TTBK1: variants seen among roughly 807,000 people sequenced by gnomAD.
The protein encoded by TTBK1 is tau tubulin kinase 1.
In TTBK1, 34 loss-of-function variants were observed where a neutral mutation model predicts 108.5. That is an observed-to-expected ratio of 0.31 (90% CI 0.24 to 0.42). TTBK1 has a LOEUF of 0.42. Among genes scored for constraint, TTBK1 ranks in the 10% least tolerant of loss-of-function variants. The probability of loss-of-function intolerance (pLI) is 1.00; values close to 1 mark genes in which losing one functional copy is unlikely to be tolerated. For missense variants in TTBK1, 1,539 were observed against 1,826.0 expected, an observed-to-expected ratio of 0.84 and a Z score of 2.86; for synonymous variants, 809 against 795.1, an observed-to-expected ratio of 1.02 and a Z score of -0.29.
chr6:43,273,440 C>A lies in TTBK1; in HGVS notation c.1987-9287C>A, dbSNP rs866435308. On this transcript the variant is annotated intron_variant, in intron 13 of 14. Transcript: ENST00000259750. This position sits in a 1 kb window ranked among gnomAD's most constrained non-coding sequence, Gnocchi z 4.2. ...CTCCAGAGACCTCCAACCCCTCAAT[C>A]CCACATGGCCCCAAGCATCCCACAG... 6.6e-6 allele frequency among the ~76,000 whole-genome samples: 1 copy of A among 152,294 alleles called. No individual in the cohort carries two copies. Among genetic ancestry groups the A allele is most frequent in the East Asian group, 1.9e-4 (1 of 5,180 alleles).
intron 13 of TTBK1, among the ~76,000 whole-genome samples, chr6:43,277,124 G>A (rs1345209600): frequency 9.2e-5 from 14 of 152,212 alleles, no homozygotes; most frequent in Non-Finnish European, 2.9e-5. Flanking sequence ...CCAGAGGCCT[G>A]TGAGAGGACA....
At position 43,265,549 on chromosome 6, in the gene TTBK1, T is replaced by C. The variant is rs546957362; in HGVS notation, c.1986+2199T>C. 3.3e-5 allele frequency among the ~76,000 whole-genome samples: 5 copies of C among 152,338 alleles called. No homozygotes were observed. In the East Asian group the frequency reaches 9.7e-4, roughly 29 times the overall value. On this transcript the variant is annotated intron_variant, in intron 13 of 14. Coordinates refer to ENST00000259750, the MANE Select transcript of TTBK1 (RefSeq NM_032538.3). This position sits in a 1 kb window ranked among gnomAD's most constrained non-coding sequence, Gnocchi z 4.1. ...GTCAAGTGGGCTGGCACCATTGCGT[T>C]GTAACTAGCCATTGCTCCCACCACA... is the stretch of plus-strand genomic sequence containing the variant.
chr6:43,273,727 C>T lies in TTBK1; in HGVS notation c.1987-9000C>T, dbSNP rs1322981718. 6.6e-6 allele frequency among the ~76,000 whole-genome samples: 1 copy of T among 152,228 alleles called. No homozygotes were observed. Among genetic ancestry groups the T allele is most frequent in the Non-Finnish European group, 1.5e-5 (1 of 68,040 alleles). On this transcript the variant is annotated intron_variant, in intron 13 of 14. Coordinates refer to ENST00000259750, the MANE Select transcript of TTBK1 (RefSeq NM_032538.3). This position sits in a 1 kb window ranked among gnomAD's most constrained non-coding sequence, Gnocchi z 4.2. ...CCATCCTCAGCTCAACCAATTGTTGCCACTATCTTCTAATTTTTATTTGAA... is the reference window on the plus strand; with the variant it reads ...CCATCCTCAGCTCAACCAATTGTTGTCACTATCTTCTAATTTTTATTTGAA...
intron 6 of TTBK1, 141 bp downstream of exon 6, chr6:43,254,792 C>CA: frequency 1.3e-6 from 1 of 767,030 alleles, no homozygotes; most frequent in Non-Finnish European, 2.1e-6. Context: ...CTCTGGGTGT[C>CA]CACACTCGGC....
intron 2 of TTBK1, among the ~76,000 whole-genome samples, chr6:43,247,734 G>A (rs1471130343): frequency 1.3e-5 from 2 of 152,194 alleles, no homozygotes. Flanking sequence ...TTGGAGAGGA[G>A]GGTGAGGCCC....
intron 13 of TTBK1, among the ~76,000 whole-genome samples, chr6:43,264,793 C>T (rs1777633854): frequency 6.6e-6 from 1 of 151,910 alleles, no homozygotes; most frequent in African/African-American, 2.4e-5. Flanking sequence ...GGTGGATGGC[C>T]GTGGGGAGGA....
In TTBK1 at chr6:43,283,603, A is replaced by G. The variant is rs371142001; in HGVS notation, c.2863A>G (p.Ser955Gly). 1.1e-5 allele frequency: 18 copies of G among 1,614,002 alleles called. No individual in the cohort carries two copies. The African/African-American group carries it at 2.3e-4, about 20-fold the overall frequency. Residue 955 changes from serine to glycine, a missense_variant, in exon 14 of 15, where the codon AGC becomes GGC. Ser to Gly is a moderately conservative substitution (Grantham distance 56). Transcript: ENST00000259750. This position sits in a 1 kb window ranked among gnomAD's most constrained non-coding sequence, Gnocchi z 8.1. ...GGQALRSEEF[S>G]AGGELGLELA... ...ACAAGCCTTGCGGTCTGAGGAGTTCAGCGCTGGGGGCGAGCTGGGTCTGGA... is the reference window on the plus strand; with the variant it reads ...ACAAGCCTTGCGGTCTGAGGAGTTCGGCGCTGGGGGCGAGCTGGGTCTGGA...
chr6:43,281,282 G>T (rs1237181788), intron 13 of TTBK1, among the ~76,000 whole-genome samples: 3 of 151,760 alleles, frequency 2.0e-5, no homozygotes. Flanking sequence ...AGGCTGAGAT[G>T]GGAGAATCAC....
Position 43,283,455 on chromosome 6 carries a change from G to T in TTBK1, c.2715G>T (p.Gly905=). Residue 905 remains glycine (G), a synonymous_variant, in exon 14 of 15, where the codon GGG becomes GGT. Transcript: ENST00000259750. This position sits in a 1 kb window ranked among gnomAD's most constrained non-coding sequence, Gnocchi z 8.1. The part of the protein sequence containing the change: ...PKPPGPGAGL[G]AGTVTTGVGG... ...CCCCGGGGCCTGGGGCAGGGCTGGG[G>T]GCCGGGACAGTGACCACAGGGGTCG... The T allele has an allele frequency of 6.2e-7, 1 of 1,614,010 alleles. No individual in the cohort carries two copies. The highest frequency in any genetic ancestry group is 1.3e-5 in the African/African-American group (1 of 75,060).
rs1282401049 is a variant in TTBK1 at position 43,287,393 on chromosome 6, C to T, written c.*2017C>T. ...CCAACCGAACCGTGAATGTAGGGCC[C>T]CCAGCCTCACCTCTGCCCCAGGACC... On this transcript the variant is annotated 3_prime_UTR_variant, in exon 15 of 15. Coordinates refer to ENST00000259750, the MANE Select transcript of TTBK1 (RefSeq NM_032538.3). The surrounding 1 kb of genome is among the most constrained non-coding windows in gnomAD (Gnocchi z 4.1). 1 of 152,958 alleles carries T rather than the reference C, an allele frequency of 6.5e-6. No individual in the cohort carries two copies. The highest frequency in any genetic ancestry group is 1.5e-5 in the Non-Finnish European group (1 of 68,332). The allele number at this position is 152,958 out of a possible 1,614,324, so 9.5% of individuals were successfully genotyped here. A position where few individuals can be genotyped will look rare whatever the true frequency, so the allele number is the denominator to read the frequency against.
rs914337162 is a variant in TTBK1 at position 43,271,549 on chromosome 6, G to A, written c.1986+8199G>A. ...CTACCCCTCTCTCCCTGTAACCTCT[G>A]CTTGGCCCATCAATTCCCCAGATGT... On this transcript the variant is annotated intron_variant, in intron 13 of 14. Coordinates refer to ENST00000259750, the MANE Select transcript of TTBK1 (RefSeq NM_032538.3). 12 of 985,124 alleles carry A rather than the reference G, an allele frequency of 1.2e-5. No individual in the cohort carries two copies. In the African/African-American group the frequency reaches 1.6e-4, roughly 13 times the overall value. The allele number at this position is 985,124 out of a possible 1,614,324, so 61.0% of individuals were successfully genotyped here.
intron 13 of TTBK1, chr6:43,271,823 C>T (rs2756186): frequency 0.092 from 90,466 of 982,278 alleles, 5,953 homozygotes; most frequent in African/African-American, 0.31. Context: ...AGAGCACCTT[C>T]TCCATCTGGC....
At position 43,283,940 on chromosome 6, in the gene TTBK1, C is replaced by T. The variant is rs757444782; in HGVS notation, c.3200C>T (p.Ser1067Leu). The T allele has an allele frequency of 1.3e-5, 21 of 1,612,766 alleles. No homozygotes were observed. The highest frequency in any genetic ancestry group is 2.2e-5 in the South Asian group (2 of 91,074). Residue 1067 changes from serine (S) to leucine (L), a missense_variant, in exon 14 of 15, where the codon TCG (serine) becomes TTG (leucine). Ser to Leu is a moderately radical substitution (Grantham distance 145, BLOSUM62 -2). Around this residue, in one of 5 missense-constraint regions of TTBK1, gnomAD observed 1,055 missense variants for 1,086.5 expected, o/e 0.97. Transcript: ENST00000259750. This position sits in a 1 kb window ranked among gnomAD's most constrained non-coding sequence, Gnocchi z 8.1. ...CTGCTCTCTGAGGAGGACACGGGCT[C>T]GGAGCCCTCAGGCTCACTGTCGGCC... ...PVLLSEEDTG[S>L]EPSGSLSAKE...
At chr6:43,278,002 A>G (rs1778055189) in intron 13 of TTBK1, among the ~76,000 whole-genome samples, 1 of 152,144 alleles carries the variant, frequency 6.6e-6, no homozygotes, top group Admixed American at 6.5e-5. Context: ...TCCTGCTTTC[A>G]TCACACATCG....
Position 43,284,307 on chromosome 6 carries a change from C to A in TTBK1, c.3567C>A (p.Thr1189=). 1 of 1,561,386 alleles carries A rather than the reference C, an allele frequency of 6.4e-7. No individual in the cohort carries two copies. The highest frequency in any genetic ancestry group is 8.7e-7 in the Non-Finnish European group (1 of 1,155,532). ...GAAPALDTAI[T]SRLQLQTPPG... is the part of the protein sequence containing the mutation. Reference sequence around the variant, plus strand: ...CCCCAGCATTGGACACAGCCATCACCAGCAGGTGAGAAACCGCTGCCAGCC... The same window carrying A: ...CCCCAGCATTGGACACAGCCATCACAAGCAGGTGAGAAACCGCTGCCAGCC... The change falls in exon 14 of 15, where the codon ACC becomes ACA. Residue 1189 remains threonine (T), a synonymous_variant. Transcript: ENST00000259750.
chr6:43,259,620 C>T lies in TTBK1; in HGVS notation c.1338C>T (p.Val446=). The T allele has an allele frequency of 1.2e-6, 2 of 1,611,722 alleles. No homozygotes were observed. Among genetic ancestry groups the T allele is most frequent in the Non-Finnish European group, 1.7e-6 (2 of 1,179,110 alleles). Residue 446 remains valine (V), a synonymous_variant, in exon 12 of 15, where the codon GTC becomes GTT. Coordinates refer to ENST00000259750, the MANE Select transcript of TTBK1 (RefSeq NM_032538.3). The surrounding 1 kb of genome is among the most constrained non-coding windows in gnomAD (Gnocchi z 6.7). ...CCCCAGACTCCCCCACAACCCCAGT[C>T]CGTTCTCTGCGCTACCGGAGGGTGA... is the stretch of plus-strand genomic sequence containing the variant. The part of the protein sequence containing the change: ...RAPPDSPTTP[V]RSLRYRRVNS...
rs1365882638 is a variant in TTBK1 at position 43,282,328 on chromosome 6, T to G, written c.1987-399T>G. ...TCTCATCTGTAAAAGGAAGGGCTGA[T>G]CTGCGTGGTGGTCGTGGTTCCTTCC... On this transcript the variant is annotated intron_variant, in intron 13 of 14. Transcript: ENST00000259750. This position sits in a 1 kb window ranked among gnomAD's most constrained non-coding sequence, Gnocchi z 5.4. Among the ~76,000 whole-genome samples, 2 of 152,254 alleles carry G rather than the reference T, an allele frequency of 1.3e-5. No homozygotes were observed. Among genetic ancestry groups the G allele is most frequent in the East Asian group, 3.8e-4 (2 of 5,198 alleles).
At position 43,285,561 on chromosome 6, in the gene TTBK1, C is replaced by A; in HGVS notation, c.*185C>A. The A allele has an allele frequency of 1.4e-6, 1 of 708,132 alleles. No homozygotes were observed. Among genetic ancestry groups the A allele is most frequent in the Non-Finnish European group, 1.9e-6 (1 of 519,890 alleles). The allele number at this position is 708,132 out of a possible 1,614,324, so 43.9% of individuals were successfully genotyped here. ...GCGGCGCCCCGCCAGGCCTTAGGGC[C>A]CGTGGGGGACGCGGCCCCGCGCCGC... is the stretch of plus-strand genomic sequence containing the variant. On this transcript the variant is annotated 3_prime_UTR_variant, in exon 15 of 15. Transcript: ENST00000259750. This position sits in a 1 kb window ranked among gnomAD's most constrained non-coding sequence, Gnocchi z 4.7.
At position 43,283,154 on chromosome 6, in the gene TTBK1, C is replaced by T. The variant is rs770675718; in HGVS notation, c.2414C>T (p.Pro805Leu). Reference protein sequence around the residue: ...RSTDRSQEGAPSTLLADDQKE... With the variant: ...RSTDRSQEGALSTLLADDQKE... ...ACTGACCGGAGCCAGGAGGGTGCCC[C>T]GTCCACGCTGCTGGCAGACGATCAG... The change falls in exon 14 of 15, where the codon CCG (proline) becomes CTG (leucine). Residue 805 changes from proline (P) to leucine (L), a missense_variant. This residue lies in a region of TTBK1 where 1,055 missense variants were observed against 1,086.5 expected (regional missense o/e 0.97). Coordinates refer to ENST00000259750, the MANE Select transcript of TTBK1 (RefSeq NM_032538.3). The surrounding 1 kb of genome is among the most constrained non-coding windows in gnomAD (Gnocchi z 8.1). 1.0e-5 allele frequency: 16 copies of T among 1,563,608 alleles called. No individual in the cohort carries two copies. The highest frequency in any genetic ancestry group is 1.2e-5 in the Non-Finnish European group (14 of 1,154,792).
Sources: gnomAD v4.1 joint callset for allele counts (sites outside exome capture counted in the v4.1 genomes callset) on GRCh38, gnomAD v4.1.1 for gene constraint, gnomAD v4.1.1 regional missense constraint, Gnocchi (gnomAD v3.1) non-coding constraint, MANE v1.5 for transcripts, NCBI Gene and HGNC (gene_info 2026-07-23, HGNC 2026-07-21) for gene names.